The following BRWD1 variants were observed in gnomAD, a reference collection of about 807,000 sequenced individuals.
BRWD1 encodes the protein bromodomain and WD repeat-containing protein 1.
In BRWD1, 82 loss-of-function variants were observed where a neutral mutation model predicts 251.2. The ratio of observed to expected loss-of-function variants is 0.33; its 90% CI spans 0.27 to 0.39. The LOEUF (loss-of-function observed/expected upper bound fraction) is 0.39. Ranked by LOEUF, BRWD1 falls within the 10% of genes least tolerant of loss-of-function variation. BRWD1 has a pLI of 1.00. For synonymous variants in BRWD1, 918 were observed against 902.8 expected (o/e 1.02, Z -0.30); for missense variants, 2,233 against 2,711.6 (o/e 0.82, Z 3.92).
intron 8 of BRWD1, among the ~76,000 whole-genome samples, chr21:39,289,530 C>T (rs944823849): frequency 2.0e-5 from 3 of 152,044 alleles, no homozygotes; most frequent in Admixed American, 1.3e-4. Context: ...ATCACATCCC[C>T]ACCTAAAGAA....
intron 8 of BRWD1, among the ~76,000 whole-genome samples, chr21:39,289,240 T>C (rs1197560099): frequency 6.6e-6 from 1 of 152,236 alleles, no homozygotes; most frequent in Non-Finnish European, 1.5e-5. Context: ...CTTGCTATAC[T>C]TTTGGCTGTT....
chr21:39,307,983 T>C (rs1424165427), intron 4 of BRWD1, among the ~76,000 whole-genome samples: 1 of 152,194 alleles, frequency 6.6e-6, no homozygotes, highest in African/African-American at 2.4e-5. Context: ...AATATAGCAG[T>C]GCAGGTAGAG....
At chr21:39,272,313 A>T (rs188882128) in intron 13 of BRWD1, among the ~76,000 whole-genome samples, 142 of 149,868 alleles carry the variant, frequency 9.5e-4, no homozygotes, top group South Asian at 2.9e-3. Flanking sequence ...AATAAATAAA[A>T]AAAAAAAAAA....
chr21:39,299,637 C>G (rs2036054177), intron 4 of BRWD1, among the ~76,000 whole-genome samples: 1 of 151,972 alleles, frequency 6.6e-6, no homozygotes, highest in African/African-American at 2.4e-5. Flanking sequence ...AAAGAAAAAT[C>G]TACATTAACT....
At chr21:39,305,795 C>T (rs1043748718) in intron 4 of BRWD1, among the ~76,000 whole-genome samples, 1 of 147,142 alleles carries the variant, frequency 6.8e-6, no homozygotes, top group Non-Finnish European at 1.5e-5. Context: ...ACCCAGGAGG[C>T]GGAGGTTGCA....
chr21:39,211,972 G>C (rs954420829), intron 34 of BRWD1, among the ~76,000 whole-genome samples: 21 of 152,004 alleles, frequency 1.4e-4, no homozygotes, highest in African/African-American at 4.6e-4. Context: ...ACTCCATTAT[G>C]ATTACCCACT....
In BRWD1 at chr21:39,296,349, C is replaced by T; in HGVS notation, c.364G>A (p.Val122Ile). The change falls in exon 6 of 41, where the codon GTT becomes ATT. Residue 122 changes from valine to isoleucine, a missense_variant. Physicochemically the swap from Val to Ile is conservative, Grantham distance 29 (BLOSUM62 3). Around this residue, in one of 12 missense-constraint regions of BRWD1, gnomAD observed 185 missense variants for 260.6 expected, o/e 0.71. Transcript: ENST00000342449. Reference protein sequence around the residue: ...LRTAKDCRHTVWKGSAFAALH... With the variant: ...LRTAKDCRHTIWKGSAFAALH... ...GCAGCAAAGGCAGAGCCCTTCCAAA[C>T]TGTGTGCCTGCAGTCTTTAAAATGA... 2 of 1,585,034 alleles carry T rather than the reference C, an allele frequency of 1.3e-6. No homozygotes were observed. Among genetic ancestry groups the T allele is most frequent in the Non-Finnish European group, 1.7e-6 (2 of 1,168,636 alleles).
intron 3 of BRWD1, 26 bp from the exon 4 acceptor site, chr21:39,312,926 G>T: frequency 1.5e-6 from 2 of 1,309,784 alleles, no homozygotes; most frequent in Non-Finnish European, 2.0e-6. Flanking sequence ...ACGCACACGA[G>T]TGACCACCCC....
Position 39,229,352 on chromosome 21 carries a change from G to T in BRWD1, c.3085C>A (p.Pro1029Thr), listed in dbSNP as rs1188917293. ...LCCLKLAFID[P>T]ATGKLMDKSF... ...TTGTCCATAAGTTTTCCAGTTGCTG[G>T]ATCTATAAATGCTAGTTTTAGGCAA... The change falls in exon 26 of 41, where the codon CCA becomes ACA. Residue 1029 changes from proline (P) to threonine (T), a missense_variant. Around this residue, in one of 12 missense-constraint regions of BRWD1, gnomAD observed 139 missense variants for 272.8 expected, o/e 0.51. Coordinates refer to ENST00000342449, the MANE Select transcript of BRWD1 (RefSeq NM_033656.4). The T allele has an allele frequency of 6.2e-7, 1 of 1,605,752 alleles. No individual in the cohort carries two copies. The highest frequency in any genetic ancestry group is 1.7e-5 in the Admixed American group (1 of 59,892).
At chr21:39,314,176 G>A (rs2036637377), upstream of BRWD1, 1 of 455,848 alleles carries the variant, frequency 2.2e-6, no homozygotes, top group Non-Finnish European at 4.4e-6. Flanking sequence ...GTGAGGATTG[G>A]CTCGCCGCGC....
chr21:39,212,606 G>T (rs2032708554), intron 34 of BRWD1, 60 bp downstream of exon 34: 2 of 1,323,862 alleles, frequency 1.5e-6, no homozygotes, highest in South Asian at 2.5e-5. Flanking sequence ...CTAAAATCCT[G>T]AATTGATTTT....
At chr21:39,258,738 G>T in intron 17 of BRWD1, 66 bp from the exon 18 acceptor site, 2 of 1,192,830 alleles carry the variant, frequency 1.7e-6, no homozygotes, top group Non-Finnish European at 2.2e-6. Context: ...TTTCGTTAGG[G>T]TACAAATTAA....
chr21:39,312,605 G>A lies in BRWD1; in HGVS notation c.198+236C>T, dbSNP rs2036527438. The stretch of plus-strand genomic sequence containing the variant: ...CCCACCCCTGCCGCAGGACCTCCGC[G>A]AGTCGCCCCCACCGCTCCGCCCCGC... On this transcript the variant is annotated intron_variant, in intron 4 of 40. Coordinates refer to ENST00000342449, the MANE Select transcript of BRWD1 (RefSeq NM_033656.4). 2.2e-5 allele frequency: 8 copies of A among 364,848 alleles called. 1 individual carries two copies. The East Asian group carries it at 3.4e-4, about 16-fold the overall frequency. 22.6% of individuals were successfully genotyped at this position (364,848 alleles called of 1,614,324 possible). A position where few individuals can be genotyped will look rare whatever the true frequency, so the allele number is the denominator to read the frequency against.
chr21:39,287,047 C>T (rs1174146405), intron 8 of BRWD1, among the ~76,000 whole-genome samples: 2 of 152,188 alleles, frequency 1.3e-5, no homozygotes, highest in African/African-American at 4.8e-5. Context: ...ACCTTGCTGA[C>T]ATCATCACTT....
At chr21:39,267,282 G>C (rs1487861546) in intron 15 of BRWD1, among the ~76,000 whole-genome samples, 1 of 152,156 alleles carries the variant, frequency 6.6e-6, no homozygotes, top group African/African-American at 2.4e-5. Context: ...TCAATAGGAT[G>C]CTACTACACT....
intron 10 of BRWD1, among the ~76,000 whole-genome samples, chr21:39,278,200 C>T (rs11911877): frequency 0.015 from 2,319 of 152,110 alleles, 57 homozygotes; most frequent in African/African-American, 0.053. Flanking sequence ...TAAGCACCAG[C>T]GCTCTAAAAA....
intron 23 of BRWD1, among the ~76,000 whole-genome samples, chr21:39,234,820 A>G (rs2033752805): frequency 6.6e-6 from 1 of 152,252 alleles, no homozygotes; most frequent in African/African-American, 2.4e-5. Flanking sequence ...AGACACCTTT[A>G]TACCAATGCT....
chr21:39,295,861 A>G lies in BRWD1; in HGVS notation c.491T>C (p.Phe164Ser). 1.9e-6 allele frequency: 3 copies of G among 1,607,544 alleles called. No individual in the cohort carries two copies. Among genetic ancestry groups the G allele is most frequent in the South Asian group, 1.1e-5 (1 of 89,968 alleles). The change falls in exon 7 of 41, where the codon TTT becomes TCT. Residue 164 changes from phenylalanine (F) to serine (S), a missense_variant. Phe to Ser is a radical substitution (Grantham distance 155, BLOSUM62 -2). Transcript: ENST00000342449. ...RGKQLTGCST[F>S]STAFPGTMYQ... ...CATAGTTCCTGGAAATGCTGTACTA[A>G]AAGTGGAACACCCTGTGAGTTGTTT...
chr21:39,301,483 G>C (rs1303481605), intron 4 of BRWD1, among the ~76,000 whole-genome samples: 2 of 152,078 alleles, frequency 1.3e-5, no homozygotes, highest in Non-Finnish European at 2.9e-5. Context: ...GAGGCCCTCA[G>C]TCAAACAACC....
Sources: gnomAD v4.1 joint callset for allele counts (sites outside exome capture counted in the v4.1 genomes callset) on GRCh38, gnomAD v4.1.1 for gene constraint, gnomAD v4.1.1 regional missense constraint, MANE v1.5 for transcripts, NCBI Gene and HGNC (gene_info 2026-07-23, HGNC 2026-07-21) for gene names.